Variants in MAPK14 observed in about 807,000 individuals in gnomAD.
The protein encoded by MAPK14 is CSAID-binding protein.
MAPK14 carries 16 observed loss-of-function variants against 49.6 expected under a neutral mutation model. The ratio of observed to expected loss-of-function variants is 0.32; its 90% CI spans 0.22 to 0.49. MAPK14 has a LOEUF of 0.49. Among genes scored for constraint, MAPK14 ranks in the 20% least tolerant of loss-of-function variants. The pLI, the probability that MAPK14 is intolerant of heterozygous loss-of-function variation, is 0.99. For synonymous variants in MAPK14, 142 were observed against 158.0 expected, an observed-to-expected ratio of 0.90 and a Z score of 0.76; for missense variants, 200 against 441.2, an observed-to-expected ratio of 0.45 and a Z score of 4.90.
chr6:36,070,926 A>G (rs1020426230), intron 3 of MAPK14, among the ~76,000 whole-genome samples: 3 of 152,248 alleles, frequency 2.0e-5, no homozygotes, highest in African/African-American at 7.2e-5. Flanking sequence ...AAAAAAATGA[A>G]AATAGAAATG....
chr6:36,054,905 T>C (rs546510120), intron 2 of MAPK14, among the ~76,000 whole-genome samples: 1 of 152,338 alleles, frequency 6.6e-6, no homozygotes, highest in Admixed American at 6.5e-5. Flanking sequence ...ATTTTAGGTG[T>C]TGGTAACAAA....
At chr6:36,084,306 A>G (rs1023885163) in intron 8 of MAPK14, among the ~76,000 whole-genome samples, 1 of 152,230 alleles carries the variant, frequency 6.6e-6, no homozygotes, top group Non-Finnish European at 1.5e-5. Flanking sequence ...AAATGATCAC[A>G]GCACCTCTCT....
rs968806013 is a variant in MAPK14, at chr6:36,028,552, C to T, written c.116+279C>T. The stretch of plus-strand genomic sequence containing the variant: ...TGGCTAGCACCCTGCGCCTTCCCCT[C>T]TCGGAGGGTTGCTGCTCGGCAACAG... On this transcript the variant is annotated intron_variant, in intron 1 of 11. Transcript: ENST00000229794. This position sits in a 1 kb window ranked among gnomAD's most constrained non-coding sequence, Gnocchi z 5.1. Among the ~76,000 whole-genome samples the T allele has an allele frequency of 2.0e-5, 3 of 152,214 alleles. No homozygotes were observed. The highest frequency in any genetic ancestry group is 4.8e-5 in the African/African-American group (2 of 41,470).
the MAPK14 span, among the ~76,000 whole-genome samples, chr6:36,119,765 C>T: frequency 6.6e-6 from 1 of 152,000 alleles, no homozygotes; most frequent in East Asian, 1.9e-4. Context: ...ACGCACAGGA[C>T]GGCCCCCACA....
chr6:36,119,467 C>A, the MAPK14 span, among the ~76,000 whole-genome samples: 1 of 152,192 alleles, frequency 6.6e-6, no homozygotes, highest in Admixed American at 6.5e-5. Context: ...ACAGACTTTT[C>A]ACTCAACATC....
chr6:36,047,312 GAGA>G (rs1220631109), intron 1 of MAPK14, among the ~76,000 whole-genome samples: 1 of 152,112 alleles, frequency 6.6e-6, no homozygotes, highest in Non-Finnish European at 1.5e-5. Context: ...GGGGGCGGAG[GAGA>G]AGAAAATCCT....
At chr6:36,123,783 AGGCCTG>A in the MAPK14 span, among the ~76,000 whole-genome samples, 287 of 152,286 alleles carry the variant, frequency 1.9e-3, 3 homozygotes, top group South Asian at 0.039. Context: ...AACAGAGCGG[AGGCCTG>A]GGCACCAGAC....
intron 8 of MAPK14, among the ~76,000 whole-genome samples, chr6:36,089,252 G>A (rs1367420494): frequency 3.3e-5 from 5 of 152,124 alleles, no homozygotes; most frequent in African/African-American, 7.2e-5. Context: ...TGCCCTTTGC[G>A]GGGACACTGA....
At chr6:36,122,038 G>A in the MAPK14 span, among the ~76,000 whole-genome samples, 2 of 152,236 alleles carry the variant, frequency 1.3e-5, no homozygotes, top group Non-Finnish European at 2.9e-5. Context: ...TATCCAGAGA[G>A]GCAGTCTGAC....
chr6:36,095,848 G>T (rs1765424313), intron 8 of MAPK14, 139 bp from the exon 9 acceptor site: 1 of 607,256 alleles, frequency 1.6e-6, no homozygotes. Context: ...GACCTAGAGG[G>T]ATTCACCGTG....
the MAPK14 span, among the ~76,000 whole-genome samples, chr6:36,118,914 G>GC: frequency 0.058 from 8,795 of 152,174 alleles, 316 homozygotes; most frequent in East Asian, 0.1. Flanking sequence ...TGAGTCAGGT[G>GC]CCCCCCTCCA....
At chr6:36,092,316 C>T (rs1765266385) in intron 8 of MAPK14, 1 of 605,702 alleles carries the variant, frequency 1.7e-6, no homozygotes, top group Non-Finnish European at 3.2e-6. Context: ...CCTCAAGCTC[C>T]CAAAGAGCAG....
rs963912999 is a variant in MAPK14 at position 36,028,129 on chromosome 6, C to G, written c.-29C>G. On this transcript the variant is annotated 5_prime_UTR_variant, in exon 1 of 12. Coordinates refer to ENST00000229794, the MANE Select transcript of MAPK14 (RefSeq NM_139012.3). The surrounding 1 kb of genome is among the most constrained non-coding windows in gnomAD (Gnocchi z 5.1). ...TGCAGGCGGGGGCCCCACAGGGCCA[C>G]CTTCTTGCCCGGCGGCTGCCGCTGG... The G allele has an allele frequency of 1.3e-6, 2 of 1,552,752 alleles. No homozygotes were observed. Among genetic ancestry groups the G allele is most frequent in the Admixed American group, 1.7e-5 (1 of 59,202 alleles).
rs973168205 is a variant in MAPK14 at position 36,107,211 on chromosome 6, A to C, written c.842-244A>C. The stretch of plus-strand genomic sequence containing the variant: ...GGTGAGACCCATGTAACAAATGTGC[A>C]CATGTACCCCCAAATCAAAAATAAA... On this transcript the variant is annotated intron_variant, in intron 10 of 11. Coordinates refer to ENST00000229794, the MANE Select transcript of MAPK14 (RefSeq NM_139012.3). The surrounding 1 kb of genome is among the most constrained non-coding windows in gnomAD (Gnocchi z 4.3). 2.6e-5 allele frequency among the ~76,000 whole-genome samples: 4 copies of C among 152,184 alleles called. No individual in the cohort carries two copies. Among genetic ancestry groups the C allele is most frequent in the Non-Finnish European group, 5.9e-5 (4 of 68,028 alleles).
chr6:36,122,112 G>A, the MAPK14 span, among the ~76,000 whole-genome samples: 7 of 152,262 alleles, frequency 4.6e-5, no homozygotes, highest in Admixed American at 3.9e-4. Context: ...CTCTGCCATG[G>A]CAGGTAGCCC....
intron 1 of MAPK14, chr6:36,029,205 T>TTC (rs1270957177): frequency 2.0e-5 from 3 of 152,202 alleles, no homozygotes; most frequent in Non-Finnish European, 4.4e-5. Context: ...ATACTGTGTT[T>TTC]TAAAAGTCCC....
intron 3 of MAPK14, among the ~76,000 whole-genome samples, chr6:36,062,534 G>C (rs1365024344): frequency 1.3e-5 from 2 of 151,868 alleles, no homozygotes; most frequent in African/African-American, 4.8e-5. Context: ...CATAATTTAG[G>C]CTAGAGTGGT....
intron 9 of MAPK14, among the ~76,000 whole-genome samples, chr6:36,100,005 C>T (rs1351529047): frequency 1.3e-5 from 2 of 152,142 alleles, no homozygotes; most frequent in African/African-American, 4.8e-5. Flanking sequence ...GGCTACGTGC[C>T]TAGTTACTCA....
intron 2 of MAPK14, among the ~76,000 whole-genome samples, chr6:36,056,430 A>G (rs1378386853): frequency 6.6e-6 from 1 of 152,238 alleles, no homozygotes; most frequent in African/African-American, 2.4e-5. Flanking sequence ...TATTATTTAC[A>G]TAACAGCCAT....
Sources: allele counts gnomAD v4.1 joint callset (sites outside exome capture counted in the v4.1 genomes callset), GRCh38; gene constraint gnomAD v4.1.1; non-coding constraint Gnocchi (gnomAD v3.1); transcripts MANE v1.5; gene names NCBI Gene and HGNC (gene_info 2026-07-23, HGNC 2026-07-21).